The following DCC variants were observed in gnomAD, a reference collection of about 807,000 sequenced individuals.
The protein encoded by DCC is DCC netrin 1 receptor.
In DCC, 58 loss-of-function variants were observed where a neutral mutation model predicts 172.5. The observed-to-expected ratio is 0.34, with a 90% CI of 0.27 to 0.42. The LOEUF (loss-of-function observed/expected upper bound fraction) is 0.42, where lower values mean the gene tolerates loss of function less well. Ranked by LOEUF, DCC falls within the 10% of genes least tolerant of loss-of-function variation. The pLI is 1.00. For missense variants in DCC, 1,740 were observed against 1,791.0 expected, an observed-to-expected ratio of 0.97 and a Z score of 0.51; for synonymous variants, 709 against 644.5, an observed-to-expected ratio of 1.10 and a Z score of -1.52.
At chr18:52,815,810 A>G (rs2038286493) in intron 2 of DCC, among the ~76,000 whole-genome samples, 1 of 152,244 alleles carries the variant, frequency 6.6e-6, no homozygotes, top group Non-Finnish European at 1.5e-5. Flanking sequence ...TGTTATATAA[A>G]TATCTTGCAA....
chr18:52,540,756 G>A (rs962357870), intron 1 of DCC, among the ~76,000 whole-genome samples: 2 of 151,706 alleles, frequency 1.3e-5, no homozygotes, highest in South Asian at 2.1e-4. Flanking sequence ...ACAGGCGCCC[G>A]CCACCACGCC....
At chr18:53,484,874 G>A (rs1356514916) in intron 25 of DCC, among the ~76,000 whole-genome samples, 1 of 151,954 alleles carries the variant, frequency 6.6e-6, no homozygotes, top group African/African-American at 2.4e-5. Flanking sequence ...ATTGCTTTGG[G>A]TAGTATGAAC....
intron 2 of DCC, among the ~76,000 whole-genome samples, chr18:52,840,352 A>G (rs2038782765): frequency 6.6e-6 from 1 of 152,178 alleles, no homozygotes; most frequent in Non-Finnish European, 1.5e-5. Flanking sequence ...ACCATGAGAC[A>G]GGGATTGCTT....
intron 2 of DCC, among the ~76,000 whole-genome samples, chr18:52,824,360 A>G (rs2038466880): frequency 6.6e-6 from 1 of 152,164 alleles, no homozygotes; most frequent in South Asian, 2.1e-4. Context: ...TGGTCTGTTT[A>G]TTTTGGCCAT....
chr18:53,527,090 CGTGTGTGTGTGTGTGTGTGTGTGTGT>C (rs200516080), intron 28 of DCC: 64 of 204,802 alleles, frequency 3.1e-4, no homozygotes, highest in African/African-American at 1.5e-3. Flanking sequence ...CACATGGATA[CGTGTGTGTGTGTGTGTGTGTGTGTGT>C]GTGTGTGTGT....
intron 1 of DCC, among the ~76,000 whole-genome samples, chr18:52,662,048 G>A (rs1157355551): frequency 1.3e-5 from 2 of 152,130 alleles, no homozygotes; most frequent in Non-Finnish European, 2.9e-5. Flanking sequence ...ATAGAATGTA[G>A]GAGAAAAGAA....
chr18:52,451,520 C>T (rs533250096), intron 1 of DCC, among the ~76,000 whole-genome samples: 115 of 152,290 alleles, frequency 7.6e-4, no homozygotes, highest in Non-Finnish European at 1.0e-3. Flanking sequence ...ATGATGGCCT[C>T]AGGCAATCGG....
At chr18:52,785,933 T>A (rs2145195579) in intron 2 of DCC, among the ~76,000 whole-genome samples, 1 of 152,200 alleles carries the variant, frequency 6.6e-6, no homozygotes, top group Non-Finnish European at 1.5e-5. Flanking sequence ...CTTTCATACT[T>A]CCTTTTTGGT....
intron 5 of DCC, among the ~76,000 whole-genome samples, chr18:53,000,529 AATG>A (rs1364509200): frequency 6.6e-6 from 1 of 150,472 alleles, no homozygotes; most frequent in Non-Finnish European, 1.5e-5. Flanking sequence ...AAGACCTAGG[AATG>A]ATCCTGTTTT....
At chr18:52,582,741 T>C (rs1461962025) in intron 1 of DCC, among the ~76,000 whole-genome samples, 1 of 152,170 alleles carries the variant, frequency 6.6e-6, no homozygotes, top group Non-Finnish European at 1.5e-5. Flanking sequence ...GTTCCTCAAA[T>C]GGGAATACTC....
At chr18:53,011,800 A>G (rs1023821619) in intron 5 of DCC, among the ~76,000 whole-genome samples, 2 of 151,646 alleles carry the variant, frequency 1.3e-5, no homozygotes, top group Admixed American at 1.3e-4. Context: ...TTTCATATTA[A>G]CCTATATGGC....
chr18:53,148,706 TA>T (rs2043953337), intron 7 of DCC, among the ~76,000 whole-genome samples: 1 of 152,072 alleles, frequency 6.6e-6, no homozygotes, highest in Non-Finnish European at 1.5e-5. Context: ...TACAATTTTT[TA>T]AAAAGAAAAT....
At chr18:52,787,638 C>CTG (rs1598802400) in intron 2 of DCC, among the ~76,000 whole-genome samples, 1 of 152,074 alleles carries the variant, frequency 6.6e-6, no homozygotes, top group East Asian at 1.9e-4. Flanking sequence ...TACCTCTTTT[C>CTG]TGAAAGTTTC....
rs1303878633 is a variant in DCC at position 53,351,494 on chromosome 18, T to C, written c.2359+11587T>C. ...TATATATATATATATATATATAGTG[T>C]GTATATATATATATATATAATTGGA... On this transcript the variant is annotated intron_variant, in intron 15 of 28. Transcript: ENST00000442544. Among the ~76,000 whole-genome samples, 11 of 73,886 alleles carry C rather than the reference T, an allele frequency of 1.5e-4. 1 individual carries two copies. The highest frequency in any genetic ancestry group is 6.1e-4 in the African/African-American group (11 of 17,990). 48.5% of individuals were successfully genotyped at this position (73,886 alleles called of 152,430 possible).
At chr18:52,696,737 C>T (rs949394770) in intron 1 of DCC, among the ~76,000 whole-genome samples, 7 of 152,066 alleles carry the variant, frequency 4.6e-5, no homozygotes, top group African/African-American at 1.7e-4. Context: ...GATCTTGAAA[C>T]AAAAGTAGTA....
intron 7 of DCC, among the ~76,000 whole-genome samples, chr18:53,137,172 T>C (rs1333988403): frequency 6.6e-6 from 1 of 152,218 alleles, no homozygotes; most frequent in Non-Finnish European, 1.5e-5. Flanking sequence ...TTTCAAAATT[T>C]CCATGTGTCA....
chr18:52,575,209 C>G (rs182404423), intron 1 of DCC, among the ~76,000 whole-genome samples: 3 of 152,232 alleles, frequency 2.0e-5, no homozygotes, highest in Admixed American at 2.0e-4. Flanking sequence ...ATACCAGAAC[C>G]ATCTTCTCTC....
intron 1 of DCC, among the ~76,000 whole-genome samples, chr18:52,347,887 T>C (rs1350705201): frequency 1.3e-5 from 2 of 152,160 alleles, no homozygotes; most frequent in Non-Finnish European, 2.9e-5. Context: ...ATATAGTGTT[T>C]GGTATAATTA....
At chr18:53,129,647 T>A (rs2043621520) in intron 7 of DCC, among the ~76,000 whole-genome samples, 1 of 152,170 alleles carries the variant, frequency 6.6e-6, no homozygotes. Flanking sequence ...CATGGTTGTG[T>A]GTGTACCAAT....
Sources: allele counts gnomAD v4.1 joint callset (sites outside exome capture counted in the v4.1 genomes callset), GRCh38; gene constraint gnomAD v4.1.1; transcripts MANE v1.5; gene names NCBI Gene and HGNC (gene_info 2026-07-23, HGNC 2026-07-21).